ZC3H13: variants seen among roughly 807,000 people sequenced by gnomAD.
ZC3H13 encodes the protein zinc finger CCCH-type containing 13, also known as zinc finger CCCH domain-containing protein 13.
In ZC3H13, 64 loss-of-function variants were observed where a neutral mutation model predicts 204.1. The ratio of observed to expected loss-of-function variants is 0.31; its 90% CI spans 0.26 to 0.39. ZC3H13 has a LOEUF of 0.39. Among genes scored for constraint, ZC3H13 ranks in the 10% least tolerant of loss-of-function variants. The pLI is 1.00. For synonymous variants in ZC3H13, 667 were observed against 693.7 expected (o/e 0.96, Z 0.60); for missense variants, 1,833 against 2,082.7 (o/e 0.88, Z 2.33).
chr13:46,030,144 T>C (rs2042801427), intron 4 of ZC3H13, among the ~76,000 whole-genome samples: 1 of 151,416 alleles, frequency 6.6e-6, no homozygotes, highest in Non-Finnish European at 1.5e-5. Context: ...ATTATATCAA[T>C]AGCTATAGGA....
chr13:46,029,792 A>T (rs1293607031), intron 4 of ZC3H13, among the ~76,000 whole-genome samples: 1 of 152,168 alleles, frequency 6.6e-6, no homozygotes, highest in Non-Finnish European at 1.5e-5. Flanking sequence ...AACCAGACAA[A>T]GACATTACAA....
At chr13:45,992,727 A>C (rs2040051709) in intron 8 of ZC3H13, among the ~76,000 whole-genome samples, 1 of 152,310 alleles carries the variant, frequency 6.6e-6, no homozygotes, top group South Asian at 2.1e-4. Context: ...TGAAATCAGT[A>C]AACTGAGTAA....
intron 3 of ZC3H13, 115 bp downstream of exon 3, chr13:46,044,840 C>T (rs1490220409): frequency 1.0e-5 from 6 of 572,610 alleles, no homozygotes; most frequent in African/African-American, 3.9e-5. Flanking sequence ...GGTAAGACTA[C>T]CACCAATATA....
chr13:46,025,611 A>G (rs2042498070), intron 4 of ZC3H13, among the ~76,000 whole-genome samples: 1 of 152,194 alleles, frequency 6.6e-6, no homozygotes, highest in African/African-American at 2.4e-5. Flanking sequence ...TACCAGGTCT[A>G]ACCTCTCATT....
At position 45,989,110 on chromosome 13, in the gene ZC3H13, A is replaced by G; in HGVS notation, c.945-13T>C. ...TGGGGAAGTAGACCTACAAGGGAAA[A>G]CAATAACAATAAAACATGTATTCAA... is the stretch of plus-strand genomic sequence containing the variant. On this transcript the variant is annotated splice_polypyrimidine_tract_variant and intron_variant, in intron 8 of 18. Coordinates refer to ENST00000679008, the MANE Select transcript of ZC3H13 (RefSeq NM_001330564.2). The G allele has an allele frequency of 6.2e-7, 1 of 1,607,992 alleles. No individual in the cohort carries two copies.
rs368818799 is a variant in ZC3H13 at position 46,009,995 on chromosome 13, T to A, written c.746+353A>T. Among the ~76,000 whole-genome samples, 164 of 152,282 alleles carry A rather than the reference T, an allele frequency of 1.1e-3. 1 individual carries two copies. In the South Asian group the frequency reaches 0.016, roughly 15 times the overall value. On this transcript the variant is annotated intron_variant, in intron 7 of 18. Transcript: ENST00000679008. ...GCAGAAGGTTATGATATATCCCTAT[T>A]ACAATAGATGAAAGCAATACTATAC...
In ZC3H13 at chr13:45,969,251, G is replaced by A. The variant is rs1293246595; in HGVS notation, c.3293C>T (p.Ser1098Phe). 6.2e-7 allele frequency: 1 copy of A among 1,614,082 alleles called. No individual in the cohort carries two copies. The change falls in exon 14 of 19, where the codon TCT becomes TTT. Residue 1098 changes from serine (S) to phenylalanine (F), a missense_variant. Physicochemically the swap from Ser to Phe is radical, Grantham distance 155. Transcript: ENST00000679008. ...TTPGSTPSPL[S>F]SLLPPPPPVA... ...AGGCGGTGGAGGAGGAAGAAGAGAA[G>A]ATAGAGGAGAAGGGGTACTACCAGG...
chr13:45,975,597 TTCTC>T lies in ZC3H13; in HGVS notation c.2150_2153del (p.Arg717LysfsTer147). ...TTTCACGATCTCTCTCTTTTTCTCT[TTCTC>T]TCTCCCGTTCCCTAGCACGCTCTCT... On this transcript the variant is annotated frameshift_variant, in exon 12 of 19. Transcript: ENST00000679008. LOFTEE classifies it high-confidence loss of function. The T allele has an allele frequency of 6.4e-7, 1 of 1,568,702 alleles. No individual in the cohort carries two copies. Among genetic ancestry groups the T allele is most frequent in the Non-Finnish European group, 8.6e-7 (1 of 1,156,526 alleles).
At position 46,019,028 on chromosome 13, in the gene ZC3H13, T is replaced by C. The variant is rs1249556411; in HGVS notation, c.448+1421A>G. Among the ~76,000 whole-genome samples, 6 of 152,222 alleles carry C rather than the reference T, an allele frequency of 3.9e-5. No homozygotes were observed. The East Asian group carries it at 9.6e-4, about 24-fold the overall frequency. On this transcript the variant is annotated intron_variant, in intron 5 of 18. Coordinates refer to ENST00000679008, the MANE Select transcript of ZC3H13 (RefSeq NM_001330564.2). The stretch of plus-strand genomic sequence containing the variant: ...CTTTATTGCTATTTTGTAGAAGCGG[T>C]ATTAGGTTGGATTATGAAATCCTGA...
intron 8 of ZC3H13, among the ~76,000 whole-genome samples, chr13:45,990,833 T>C (rs939206940): frequency 6.6e-6 from 1 of 152,086 alleles, no homozygotes; most frequent in Non-Finnish European, 1.5e-5. Flanking sequence ...GGGGACAAGG[T>C]CTCGCTGTCA....
chr13:45,969,053 C>T lies in ZC3H13; in HGVS notation c.3491G>A (p.Arg1164Gln), dbSNP rs758977103. 6.4e-5 allele frequency: 103 copies of T among 1,614,130 alleles called. No homozygotes were observed. The highest frequency in any genetic ancestry group is 8.0e-5 in the Non-Finnish European group (94 of 1,180,024). The change falls in exon 14 of 19, where the codon CGA becomes CAA. Residue 1164 changes from arginine to glutamine, a missense_variant. By Grantham distance (43) the Arg-to-Gln change is conservative (BLOSUM62 1). Around this residue, in one of 5 missense-constraint regions of ZC3H13, gnomAD observed 1,574 missense variants for 1,757.2 expected, o/e 0.90. Transcript: ENST00000679008. ...GTGAGGCGTCTCTACTTTTTCTACTCGTGTTCTGTGGCATTTTCTGTGTGA... is the reference window on the plus strand; with the variant it reads ...GTGAGGCGTCTCTACTTTTTCTACTTGTGTTCTGTGGCATTTTCTGTGTGA... ...EDSHRKCHRTRVEKVETPHVT... is the reference protein window; with the variant it reads ...EDSHRKCHRTQVEKVETPHVT...
chr13:46,022,469 A>G (rs993819037), intron 4 of ZC3H13, among the ~76,000 whole-genome samples: 1 of 151,980 alleles, frequency 6.6e-6, no homozygotes, highest in African/African-American at 2.4e-5. Context: ...TCTTATACTC[A>G]AATAAATAGG....
At chr13:46,005,341 G>C (rs762683442) in intron 7 of ZC3H13, among the ~76,000 whole-genome samples, 3 of 151,934 alleles carry the variant, frequency 2.0e-5, no homozygotes, top group Non-Finnish European at 4.4e-5. Flanking sequence ...TGTATCTCTT[G>C]GATCTCTCCT....
chr13:45,966,068 C>A (rs1424215153), intron 15 of ZC3H13, among the ~76,000 whole-genome samples: 4 of 151,988 alleles, frequency 2.6e-5, no homozygotes, highest in African/African-American at 9.7e-5. Context: ...TTGTTAGTTC[C>A]ACTAGTGTAT....
At chr13:46,033,359 GAAC>G (rs2043015481) in intron 4 of ZC3H13, among the ~76,000 whole-genome samples, 1 of 151,912 alleles carries the variant, frequency 6.6e-6, no homozygotes, top group African/African-American at 2.4e-5. Context: ...TATATCTTAA[GAAC>G]TATATAGAAA....
At chr13:45,963,700 TTAAA>T in intron 17 of ZC3H13, 138 bp downstream of exon 17, 4 of 1,490,664 alleles carry the variant, frequency 2.7e-6, no homozygotes, top group Non-Finnish European at 3.6e-6. Flanking sequence ...ACCATGAGGG[TTAAA>T]TAATGATTAT....
chr13:46,047,698 T>C (rs923294478), intron 1 of ZC3H13, among the ~76,000 whole-genome samples: 1 of 139,924 alleles, frequency 7.1e-6, no homozygotes, highest in Non-Finnish European at 1.6e-5. Context: ...CAAGCATGAT[T>C]CAATAATAAG....
chr13:45,977,261 G>A (rs548251206), intron 11 of ZC3H13, among the ~76,000 whole-genome samples: 10 of 152,062 alleles, frequency 6.6e-5, no homozygotes, highest in Non-Finnish European at 1.5e-4. Flanking sequence ...TGAATTCCTG[G>A]TTTGGAGGAG....
At chr13:46,027,655 C>T (rs571043715) in intron 4 of ZC3H13, among the ~76,000 whole-genome samples, 23 of 152,184 alleles carry the variant, frequency 1.5e-4, no homozygotes, top group African/African-American at 5.1e-4. Flanking sequence ...AATCTAAATG[C>T]ATTTAAAATA....
Sources: allele counts gnomAD v4.1 joint callset (sites outside exome capture counted in the v4.1 genomes callset), GRCh38; gene constraint gnomAD v4.1.1; regional missense constraint gnomAD v4.1.1; transcripts MANE v1.5; gene names NCBI Gene and HGNC (gene_info 2026-07-23, HGNC 2026-07-21).